The following SEL1L2 variants were observed in gnomAD, a reference collection of about 807,000 sequenced individuals.
The protein encoded by SEL1L2 is SEL1L2 adaptor subunit of SYVN1 ubiquitin ligase.
SEL1L2 carries 89 observed loss-of-function variants against 98.8 expected under a neutral mutation model. That is an observed-to-expected ratio of 0.90 (90% confidence interval 0.76 to 1.07). SEL1L2 has a LOEUF of 1.07. Ranked by LOEUF, SEL1L2 falls within the 50% of genes least tolerant of loss-of-function variation. SEL1L2 has a pLI of 0.00. For missense variants in SEL1L2, 788 were observed against 812.0 expected, an observed-to-expected ratio of 0.97 and a Z score of 0.36; for synonymous variants, 262 against 278.5, an observed-to-expected ratio of 0.94 and a Z score of 0.59.
chr20:13,862,928 C>G (rs1336264356), intron 17 of SEL1L2, among the ~76,000 whole-genome samples: 1 of 151,982 alleles, frequency 6.6e-6, no homozygotes, highest in African/African-American at 2.4e-5. Flanking sequence ...AACTATTGGT[C>G]TCAAGCAATT....
intron 12 of SEL1L2, among the ~76,000 whole-genome samples, chr20:13,873,040 G>C (rs1207785388): frequency 6.6e-6 from 1 of 151,128 alleles, no homozygotes; most frequent in African/African-American, 2.4e-5. Flanking sequence ...ACCCATGCTG[G>C]AGTGCTGTGG....
chr20:13,850,399 T>C (rs1443161258), intron 18 of SEL1L2, 80 bp from the exon 19 acceptor site: 70 of 1,487,798 alleles, frequency 4.7e-5, no homozygotes, highest in Non-Finnish European at 6.4e-5. Context: ...ATATCAAATG[T>C]AATTAAGGTT....
chr20:13,889,583 A>G (rs1162878640), intron 5 of SEL1L2, among the ~76,000 whole-genome samples: 2 of 152,028 alleles, frequency 1.3e-5, no homozygotes, highest in Admixed American at 6.6e-5. Flanking sequence ...CGAGGTCAGG[A>G]GATCGAGACC....
At chr20:13,874,727 C>G (rs1322276252) in intron 12 of SEL1L2, among the ~76,000 whole-genome samples, 3 of 152,168 alleles carry the variant, frequency 2.0e-5, no homozygotes, top group Non-Finnish European at 2.9e-5. Context: ...ATTTACACCA[C>G]AATAGCAGCA....
chr20:13,890,073 G>A (rs543663250), intron 5 of SEL1L2, among the ~76,000 whole-genome samples: 4 of 152,102 alleles, frequency 2.6e-5, no homozygotes, highest in Non-Finnish European at 4.4e-5. Context: ...AGAATAGTCC[G>A]TGAAACAGGT....
At chr20:13,979,723 G>T (rs922609334) in intron 1 of SEL1L2, among the ~76,000 whole-genome samples, 4 of 152,006 alleles carry the variant, frequency 2.6e-5, no homozygotes, top group Non-Finnish European at 5.9e-5. Context: ...AAATAAAAAA[G>T]ATTTAAGCAT....
At position 13,944,942 on chromosome 20, in the gene SEL1L2, C is replaced by T. The variant is rs2049944228; in HGVS notation, c.114+11134G>A. Among the ~76,000 whole-genome samples, 2 of 152,080 alleles carry T rather than the reference C, an allele frequency of 1.3e-5. 1 individual carries two copies. The highest frequency in any genetic ancestry group is 4.1e-4 in the South Asian group (2 of 4,824). On this transcript the variant is annotated intron_variant, in intron 2 of 19. Transcript: ENST00000284951. ...TTGACTAGGGAGATGTTCAGGTTTG[C>T]TGGGAAACACTGAAGGCCTCCTTAG...
chr20:13,909,747 C>T (rs1002193629), intron 5 of SEL1L2, among the ~76,000 whole-genome samples: 1 of 152,038 alleles, frequency 6.6e-6, no homozygotes, highest in Non-Finnish European at 1.5e-5. Flanking sequence ...GGGCAGATCA[C>T]CTGAGGTCAG....
chr20:13,953,315 A>G (rs1258119462), intron 2 of SEL1L2, among the ~76,000 whole-genome samples: 1 of 152,094 alleles, frequency 6.6e-6, no homozygotes, highest in African/African-American at 2.4e-5. Flanking sequence ...CAGGCTATCA[A>G]ACTCCAAATG....
chr20:13,913,513 A>G (rs951068010), intron 5 of SEL1L2: 7 of 288,590 alleles, frequency 2.4e-5, no homozygotes, highest in African/African-American at 1.5e-4. Flanking sequence ...AAAAGTAAAA[A>G]TCATGCAAAC....
At chr20:13,918,582 T>C (rs1456318456) in intron 4 of SEL1L2, among the ~76,000 whole-genome samples, 1 of 152,228 alleles carries the variant, frequency 6.6e-6, no homozygotes, top group Non-Finnish European at 1.5e-5. Flanking sequence ...CTTATAAGAC[T>C]GTTCTGGGGA....
At chr20:13,930,818 C>T (rs894197623) in intron 3 of SEL1L2, among the ~76,000 whole-genome samples, 1 of 152,050 alleles carries the variant, frequency 6.6e-6, no homozygotes, top group Non-Finnish European at 1.5e-5. Flanking sequence ...CTATCTATTG[C>T]TCTTATTAGC....
At chr20:13,927,474 T>C (rs560181368) in intron 3 of SEL1L2, among the ~76,000 whole-genome samples, 1 of 152,360 alleles carries the variant, frequency 6.6e-6, no homozygotes, top group South Asian at 2.1e-4. Context: ...AATAGTTTTC[T>C]CTGTTTTTAA....
At chr20:13,925,142 CA>C (rs374085445) in intron 3 of SEL1L2, among the ~76,000 whole-genome samples, 2 of 150,264 alleles carry the variant, frequency 1.3e-5, no homozygotes, top group African/African-American at 2.4e-5. Flanking sequence ...CTGTACCTCA[CA>C]AAAAAAAATA....
At chr20:13,918,180 A>T (rs1290326090) in intron 4 of SEL1L2, among the ~76,000 whole-genome samples, 1 of 152,156 alleles carries the variant, frequency 6.6e-6, no homozygotes, top group Non-Finnish European at 1.5e-5. Context: ...CTCAAGATAA[A>T]ACTAACACAC....
chr20:13,972,057 A>G (rs2051309234), intron 1 of SEL1L2, among the ~76,000 whole-genome samples: 1 of 151,692 alleles, frequency 6.6e-6, no homozygotes, highest in South Asian at 2.1e-4. Flanking sequence ...GTGTGAGGAC[A>G]CACACACACA....
intron 2 of SEL1L2, among the ~76,000 whole-genome samples, chr20:13,948,782 C>T (rs1159236995): frequency 2.6e-5 from 4 of 152,160 alleles, no homozygotes; most frequent in Non-Finnish European, 5.9e-5. Flanking sequence ...GCACAGAAAA[C>T]CAGTGATTGA....
rs538708969 is a variant in SEL1L2, at chr20:13,885,061, C to T, written c.957+286G>A. ...TCTCTCCTAATCCCAGCCCAAAGTG[C>T]GTGTGAGTGCGCAGAACTAGGTTCT... On this transcript the variant is annotated intron_variant, in intron 10 of 19. Transcript: ENST00000284951. 1.2e-4 allele frequency among the ~76,000 whole-genome samples: 18 copies of T among 152,164 alleles called. 1 individual carries two copies. In the South Asian group the frequency reaches 3.3e-3, roughly 28 times the overall value.
rs749690152 is a variant in SEL1L2 at position 13,877,604 on chromosome 20, A to G, written c.958-16T>C. ...GTAATGCTTTCTGGAGAGAAAAGGA[A>G]CAGTGTTATTGCTAGTCACAAAATA... On this transcript the variant is annotated splice_polypyrimidine_tract_variant and intron_variant, in intron 10 of 19. Coordinates refer to ENST00000284951, the MANE Select transcript of SEL1L2 (RefSeq NM_025229.2). 1.7e-5 allele frequency: 28 copies of G among 1,603,084 alleles called. 1 individual carries two copies. In the Middle Eastern group the frequency reaches 2.6e-3, roughly 150 times the overall value.
Sources: gnomAD v4.1 joint callset for allele counts (sites outside exome capture counted in the v4.1 genomes callset) on GRCh38, gnomAD v4.1.1 for gene constraint, MANE v1.5 for transcripts, NCBI Gene and HGNC (gene_info 2026-07-23, HGNC 2026-07-21) for gene names.